The following RGS6 variants were observed in gnomAD, a reference collection of about 807,000 sequenced individuals.
The protein encoded by RGS6 is regulator of G-protein signaling 6.
Under a neutral mutation model 78.5 loss-of-function variants are expected in RGS6, and 30 were observed. The observed-to-expected ratio is 0.38, with a 90% CI of 0.29 to 0.52. The LOEUF is 0.52. RGS6 is among the 20% of genes least tolerant of loss of function. The pLI, the probability that RGS6 is intolerant of heterozygous loss-of-function variation, is 0.85. For synonymous variants in RGS6, 206 were observed against 206.0 expected (o/e 1.00, Z 0.00); for missense variants, 495 against 609.7 (o/e 0.81, Z 1.98).
At chr14:72,276,868 G>GAA (rs373181749) in intron 2 of RGS6, among the ~76,000 whole-genome samples, 3 of 143,568 alleles carry the variant, frequency 2.1e-5, no homozygotes, top group African/African-American at 7.6e-5. Flanking sequence ...ATACAATATT[G>GAA]AAAAAAAAAA....
chr14:72,187,340 C>G (rs141044475), intron 2 of RGS6, among the ~76,000 whole-genome samples: 6 of 152,248 alleles, frequency 3.9e-5, no homozygotes, highest in African/African-American at 1.4e-4. Flanking sequence ...ATGCCTCTAT[C>G]ATGTGGCTAC....
At chr14:71,869,324 TCA>T in the RGS6 span, among the ~76,000 whole-genome samples, 8 of 152,214 alleles carry the variant, frequency 5.3e-5, no homozygotes, top group Non-Finnish European at 1.0e-4. Flanking sequence ...CAACAAGTGA[TCA>T]CTTGTCTGCC....
chr14:71,994,643 T>C (rs2095115461), intron 2 of RGS6, among the ~76,000 whole-genome samples: 1 of 151,464 alleles, frequency 6.6e-6, no homozygotes, highest in South Asian at 2.1e-4. Flanking sequence ...AAAAGTAGGG[T>C]GGACTCCTAA....
chr14:72,487,992 T>A (rs181933558), intron 12 of RGS6, among the ~76,000 whole-genome samples: 1 of 152,326 alleles, frequency 6.6e-6, no homozygotes, highest in East Asian at 1.9e-4. Context: ...AATACGTGTA[T>A]GTCTCATTCT....
chr14:72,500,964 C>T (rs2096716694), intron 13 of RGS6, among the ~76,000 whole-genome samples: 1 of 152,048 alleles, frequency 6.6e-6, no homozygotes, highest in African/African-American at 2.4e-5. Context: ...TTTTCAAGAC[C>T]CTCAAATTCC....
intron 3 of RGS6, among the ~76,000 whole-genome samples, chr14:72,403,253 T>C (rs2092630837): frequency 1.3e-5 from 2 of 152,224 alleles, no homozygotes; most frequent in African/African-American, 2.4e-5. Context: ...ATTTATACAA[T>C]GGAATACTAT....
intron 3 of RGS6, among the ~76,000 whole-genome samples, chr14:72,448,172 G>C (rs574416415): frequency 3.3e-5 from 5 of 152,310 alleles, no homozygotes; most frequent in Admixed American, 1.3e-4. Flanking sequence ...TAAGGGACCT[G>C]CCCAGGTTCC....
intron 2 of RGS6, among the ~76,000 whole-genome samples, chr14:72,237,853 C>T (rs981530594): frequency 3.9e-5 from 6 of 152,082 alleles, no homozygotes; most frequent in African/African-American, 9.7e-5. Context: ...CTGGAGCCCT[C>T]GAGGGCATGT....
At chr14:72,410,313 G>A (rs551384012) in intron 3 of RGS6, among the ~76,000 whole-genome samples, 4,477 of 152,266 alleles carry the variant, frequency 0.029, 210 homozygotes, top group African/African-American at 0.1. Flanking sequence ...TTTCTCTGAT[G>A]GCCAGTGATG....
intron 2 of RGS6, among the ~76,000 whole-genome samples, chr14:72,276,845 T>TATTA (rs2060754287): frequency 6.6e-6 from 1 of 151,630 alleles, no homozygotes; most frequent in Non-Finnish European, 1.5e-5. Context: ...ATTAGCAACA[T>TATTA]GAGAAGAGAC....
At chr14:72,324,363 T>G (rs910337605) in intron 2 of RGS6, among the ~76,000 whole-genome samples, 2 of 152,056 alleles carry the variant, frequency 1.3e-5, no homozygotes, top group Admixed American at 6.5e-5. Context: ...AAAGGACTAT[T>G]CTTTTTTTTT....
At chr14:72,229,035 A>G (rs1459736976) in intron 2 of RGS6, among the ~76,000 whole-genome samples, 1 of 152,070 alleles carries the variant, frequency 6.6e-6, no homozygotes, top group Non-Finnish European at 1.5e-5. Context: ...AGCCTGGGCA[A>G]CAAGAGTGAA....
chr14:72,047,120 C>T (rs552304176), intron 2 of RGS6, among the ~76,000 whole-genome samples: 11 of 152,214 alleles, frequency 7.2e-5, no homozygotes, highest in African/African-American at 2.2e-4. Context: ...TCTTGTGACA[C>T]GACATAATGC....
chr14:72,111,549 C>A (rs17768774), intron 2 of RGS6, among the ~76,000 whole-genome samples: 1 of 152,294 alleles, frequency 6.6e-6, no homozygotes, highest in African/African-American at 2.4e-5. Flanking sequence ...CTTCAAAATA[C>A]GCTTTGAACA....
chr14:72,550,977 T>C (rs1359966735), intron 17 of RGS6, among the ~76,000 whole-genome samples: 1 of 152,078 alleles, frequency 6.6e-6, no homozygotes, highest in East Asian at 1.9e-4. Context: ...GTAGTTGGGA[T>C]TACAGGCCTG....
intron 2 of RGS6, among the ~76,000 whole-genome samples, chr14:72,190,973 AAT>A (rs1206067691): frequency 6.6e-6 from 1 of 152,114 alleles, no homozygotes; most frequent in African/African-American, 2.4e-5. Flanking sequence ...CATCACTAGC[AAT>A]ATGTTTCTTT....
intron 2 of RGS6, among the ~76,000 whole-genome samples, chr14:72,283,141 G>A (rs756931087): frequency 2.0e-5 from 3 of 152,300 alleles, no homozygotes; most frequent in African/African-American, 7.2e-5. Context: ...TCCACTGTGT[G>A]TATAGACTAT....
the RGS6 span, among the ~76,000 whole-genome samples, chr14:72,625,370 G>A: frequency 6.6e-6 from 1 of 151,846 alleles, no homozygotes; most frequent in Non-Finnish European, 1.5e-5. Context: ...CCTAGATTTG[G>A]TCATTACGGG....
At chr14:72,191,348 C>T (rs1599162015) in intron 2 of RGS6, among the ~76,000 whole-genome samples, 1 of 152,194 alleles carries the variant, frequency 6.6e-6, no homozygotes, top group African/African-American at 2.4e-5. Flanking sequence ...GCAGCACGGC[C>T]AGGCCTCAGT....
Sources: allele counts gnomAD v4.1 joint callset (sites outside exome capture counted in the v4.1 genomes callset), GRCh38; gene constraint gnomAD v4.1.1; transcripts MANE v1.5; gene names NCBI Gene and HGNC (gene_info 2026-07-23, HGNC 2026-07-21).